Variants in DIP2C observed in about 807,000 individuals in gnomAD.
DIP2C encodes the protein disco-interacting protein 2 homolog C.
A neutral mutation model predicts 192.4 loss-of-function variants in DIP2C; 33 were observed. That is an observed-to-expected ratio of 0.17 (90% CI 0.13 to 0.23). DIP2C has a LOEUF of 0.23. DIP2C is among the 10% of genes least tolerant of loss of function. The pLI is 1.00. For synonymous variants in DIP2C, 979 were observed against 864.1 expected (o/e 1.13, Z -2.33); for missense variants, 1,537 against 2,110.1 (o/e 0.73, Z 5.32).
At chr10:341,401 C>T in intron 28 of DIP2C, 72 bp from the exon 29 acceptor site, 3 of 1,599,110 alleles carry the variant, frequency 1.9e-6, no homozygotes, top group East Asian at 2.2e-5. Context: ...TACGGGGCTG[C>T]AGGGAACGCA....
At chr10:277,809 G>A (rs557521542) in intron 36 of DIP2C, among the ~76,000 whole-genome samples, 77 of 151,128 alleles carry the variant, frequency 5.1e-4, no homozygotes, top group South Asian at 3.4e-3. Flanking sequence ...TGGCTTCTGC[G>A]ACTGTTTCAC....
In DIP2C at chr10:440,852, C is replaced by T. The variant is rs572484444; in HGVS notation, c.394+19G>A. The T allele has an allele frequency of 6.2e-5, 100 of 1,605,380 alleles. No homozygotes were observed. Among genetic ancestry groups the T allele is most frequent in the Middle Eastern group, 1.7e-4 (1 of 6,060 alleles). ...GCCCGGCACATTCAGGAGGCCGTGTCGGGGAGCGTGTCCCTTACCTGGAGG... is the reference window on the plus strand; with the variant it reads ...GCCCGGCACATTCAGGAGGCCGTGTTGGGGAGCGTGTCCCTTACCTGGAGG... On this transcript the variant is annotated intron_variant, in intron 4 of 36. Coordinates refer to ENST00000280886, the MANE Select transcript of DIP2C (RefSeq NM_014974.3).
intron 1 of DIP2C, among the ~76,000 whole-genome samples, chr10:524,682 T>G (rs1174102299): frequency 2.6e-5 from 4 of 152,326 alleles, no homozygotes; most frequent in African/African-American, 9.6e-5. Context: ...AAAGAATGCA[T>G]TGCACTCTCG....
rs1377067333 is a variant in DIP2C at position 348,761 on chromosome 10, T to C, written c.3111A>G (p.Gly1037=). 2 of 1,613,252 alleles carry C rather than the reference T, an allele frequency of 1.2e-6. No individual in the cohort carries two copies. Among genetic ancestry groups the C allele is most frequent in the Admixed American group, 1.7e-5 (1 of 59,776 alleles). The change falls in exon 26 of 37, where the codon GGA becomes GGG. Residue 1037 remains glycine (G), a splice_region_variant and synonymous_variant. Coordinates refer to ENST00000280886, the MANE Select transcript of DIP2C (RefSeq NM_014974.3). ...CATAAAACGCTGCTATCAGGTCTAT[T>C]CCTACACAAGGAGAGAAACATCATC... is the stretch of plus-strand genomic sequence containing the variant. ...GDHVALVYPP[G]IDLIAAFYGC...
intron 14 of DIP2C, among the ~76,000 whole-genome samples, chr10:386,977 G>C (rs915888738): frequency 6.6e-6 from 1 of 152,152 alleles, no homozygotes; most frequent in Non-Finnish European, 1.5e-5. Flanking sequence ...ACTCGTGACT[G>C]TGAGACAGTC....
chr10:587,338 C>T (rs564312711), intron 1 of DIP2C, among the ~76,000 whole-genome samples: 1 of 152,346 alleles, frequency 6.6e-6, no homozygotes, highest in East Asian at 1.9e-4. Context: ...AGTTCCGCGT[C>T]AGTAAAACGC....
In DIP2C at chr10:275,169, C is replaced by T. The variant is rs1245039833; in HGVS notation, c.*2156G>A. ...CATCTACATTTGTTTTGCTTCCTGA[C>T]TTCAGCTGGACCTCAAAGCTGTCCT... is the stretch of plus-strand genomic sequence containing the variant. On this transcript the variant is annotated 3_prime_UTR_variant, in exon 37 of 37. Transcript: ENST00000280886. The T allele has an allele frequency of 6.6e-6, 1 of 152,288 alleles. No individual in the cohort carries two copies. Among genetic ancestry groups the T allele is most frequent in the East Asian group, 1.9e-4 (1 of 5,200 alleles). 9.4% of individuals were successfully genotyped at this position (152,288 alleles called of 1,614,324 possible).
At chr10:303,366 CT>C (rs1956149387) in intron 32 of DIP2C, among the ~76,000 whole-genome samples, 1 of 152,186 alleles carries the variant, frequency 6.6e-6, no homozygotes, top group African/African-American at 2.4e-5. Context: ...AGAAAATTCC[CT>C]TGTTAAATAA....
chr10:581,168 T>C (rs771076588), intron 1 of DIP2C, among the ~76,000 whole-genome samples: 2 of 152,034 alleles, frequency 1.3e-5, no homozygotes, highest in Non-Finnish European at 2.9e-5. Flanking sequence ...ATCCCCCACC[T>C]GGCCACTTAG....
chr10:689,481 G>A lies in DIP2C; in HGVS notation c.85+13C>T. On this transcript the variant is annotated intron_variant, in intron 1 of 36. Transcript: ENST00000280886. This position sits in a 1 kb window ranked among gnomAD's most constrained non-coding sequence, Gnocchi z 6.1. ...TGACAGCGCGGCCCGGCCCGGGGCG[G>A]GGGCCCGGTTACCTTCCGACAGCTC... 3 of 1,204,466 alleles carry A rather than the reference G, an allele frequency of 2.5e-6. No individual in the cohort carries two copies. Among genetic ancestry groups the A allele is most frequent in the Non-Finnish European group, 3.1e-6 (3 of 954,884 alleles). The allele number at this position is 1,204,466 out of a possible 1,614,324, so 74.6% of individuals were successfully genotyped here.
At chr10:364,326 A>T (rs773555734) in intron 20 of DIP2C, 48 bp downstream of exon 20, 1 of 1,575,012 alleles carries the variant, frequency 6.3e-7, no homozygotes, top group African/African-American at 1.4e-5. Context: ...CACATAAAAA[A>T]TATGGCCGAC....
intron 31 of DIP2C, chr10:324,960 G>C (rs1395067986): frequency 3.8e-6 from 2 of 532,520 alleles, no homozygotes; most frequent in African/African-American, 1.9e-5. Context: ...CTCCTTCCTT[G>C]TAAACCATCT....
rs1355246758 is a variant in DIP2C at position 609,859 on chromosome 10, T to TA, written c.85+79634_85+79635insT. ...CTTGGTCAGTGCAGCCGGGTACCAA[T>TA]TAGAGACAGAAACCCAAGCGTTCAC... On this transcript the variant is annotated intron_variant, in intron 1 of 36. Coordinates refer to ENST00000280886, the MANE Select transcript of DIP2C (RefSeq NM_014974.3). 2.0e-5 allele frequency among the ~76,000 whole-genome samples: 3 copies of TA among 152,096 alleles called. 1 individual carries two copies. The East Asian group carries it at 5.8e-4, about 29-fold the overall frequency.
intron 31 of DIP2C, among the ~76,000 whole-genome samples, chr10:315,545 T>A (rs530432869): frequency 1.3e-5 from 2 of 152,376 alleles, no homozygotes; most frequent in South Asian, 4.1e-4. Flanking sequence ...GCACTTCTGA[T>A]GAGAACTCAG....
rs936068026 is a variant in DIP2C at position 548,211 on chromosome 10, C to T, written c.86-61681G>A. ...CCAATTCACACGAGTCTGCCCCACC[C>T]CCCCCCCCACAGGAAAGCCCTGGTG... is the stretch of plus-strand genomic sequence containing the variant. On this transcript the variant is annotated intron_variant, in intron 1 of 36. Coordinates refer to ENST00000280886, the MANE Select transcript of DIP2C (RefSeq NM_014974.3). 1.8e-5 allele frequency among the ~76,000 whole-genome samples: 2 copies of T among 108,326 alleles called. 1 individual carries two copies. Among genetic ancestry groups the T allele is most frequent in the Non-Finnish European group, 4.1e-5 (2 of 48,400 alleles). 71.1% of individuals were successfully genotyped at this position (108,326 alleles called of 152,430 possible). A position where few individuals can be genotyped will look rare whatever the true frequency, so the allele number is the denominator to read the frequency against.
rs770956617 is a variant in DIP2C, at chr10:400,281, C to T, written c.1150-1062G>A. On this transcript the variant is annotated intron_variant, in intron 9 of 36. Coordinates refer to ENST00000280886, the MANE Select transcript of DIP2C (RefSeq NM_014974.3). Reference sequence around the variant, plus strand: ...CAAGCGATTCTCCTGCCTTGGTCCCCGCAAAGTGTTGGGATTACAGATGTG... The same window carrying T: ...CAAGCGATTCTCCTGCCTTGGTCCCTGCAAAGTGTTGGGATTACAGATGTG... 2.2e-4 allele frequency among the ~76,000 whole-genome samples: 33 copies of T among 150,722 alleles called. 1 individual carries two copies. The highest frequency in any genetic ancestry group is 2.6e-4 in the Admixed American group (4 of 15,142).
At chr10:474,825 T>G (rs1010374072) in intron 2 of DIP2C, among the ~76,000 whole-genome samples, 11 of 152,246 alleles carry the variant, frequency 7.2e-5, no homozygotes, top group Admixed American at 2.0e-4. Context: ...TTCACTCTGA[T>G]GCTATAATCC....
At chr10:399,399 G>C (rs1407570512) in intron 9 of DIP2C, among the ~76,000 whole-genome samples, 180 bp from the exon 10 acceptor site, 1 of 152,198 alleles carries the variant, frequency 6.6e-6, no homozygotes, top group East Asian at 1.9e-4. Context: ...AATTCATATA[G>C]AAGACAAACG....
At chr10:476,114 C>T (rs1003851244) in intron 2 of DIP2C, among the ~76,000 whole-genome samples, 3 of 152,144 alleles carry the variant, frequency 2.0e-5, no homozygotes, top group African/African-American at 7.2e-5. Flanking sequence ...GGAGAGAGGC[C>T]GGCATGGTCC....
Sources: gnomAD v4.1 joint callset for allele counts (sites outside exome capture counted in the v4.1 genomes callset) on GRCh38, gnomAD v4.1.1 for gene constraint, Gnocchi (gnomAD v3.1) non-coding constraint, MANE v1.5 for transcripts, NCBI Gene and HGNC (gene_info 2026-07-23, HGNC 2026-07-21) for gene names.